Variants in DPH6 observed in about 807,000 individuals in gnomAD.
DPH6 encodes the protein diphthamine biosynthesis 6, also known as diphthine--ammonia ligase.
DPH6 carries 33 observed loss-of-function variants against 38.2 expected under a neutral mutation model. The ratio of observed to expected loss-of-function variants is 0.86; its 90% CI spans 0.65 to 1.15. The LOEUF (loss-of-function observed/expected upper bound fraction) is 1.15, where lower values mean the gene tolerates loss of function less well. Among genes scored for constraint, DPH6 ranks in the 50% most tolerant of loss-of-function variants. The pLI is 0.00. For missense variants in DPH6, 325 were observed against 320.0 expected (o/e 1.02, Z -0.12); for synonymous variants, 108 against 103.0 (o/e 1.05, Z -0.30).
intron 3 of DPH6, chr15:35,520,570 C>G (rs907299800): frequency 7.4e-5 from 73 of 984,592 alleles, no homozygotes; most frequent in Non-Finnish European, 8.7e-5. Flanking sequence ...CTAGCATACA[C>G]AGCATAAAGC....
chr15:35,361,206 C>T (rs2052611490), intron 3 of DPH6, among the ~76,000 whole-genome samples: 1 of 152,126 alleles, frequency 6.6e-6, no homozygotes, highest in Non-Finnish European at 1.5e-5. Context: ...TCAAAGTGGC[C>T]CTCCAAAGTC....
chr15:35,159,790 C>T, the DPH6 span, among the ~76,000 whole-genome samples: 1 of 151,992 alleles, frequency 6.6e-6, no homozygotes, highest in African/African-American at 2.4e-5. Flanking sequence ...TAAGAAAAAA[C>T]ATAGATTCAA....
chr15:35,473,895 C>T (rs75225335), intron 3 of DPH6, among the ~76,000 whole-genome samples: 2,681 of 147,770 alleles, frequency 0.018, 81 homozygotes, highest in African/African-American at 0.061. Context: ...AAAAGGCAAG[C>T]GATAGAACAC....
chr15:35,203,465 G>T, the DPH6 span, among the ~76,000 whole-genome samples: 1 of 151,498 alleles, frequency 6.6e-6, no homozygotes, highest in South Asian at 2.1e-4. Context: ...CACTACAAAT[G>T]AAACATATCA....
chr15:35,407,678 A>C (rs1256363581), intron 6 of DPH6, among the ~76,000 whole-genome samples: 1 of 152,018 alleles, frequency 6.6e-6, no homozygotes, highest in Non-Finnish European at 1.5e-5. Context: ...GGTATTAACC[A>C]GTGATAGACT....
chr15:35,393,436 G>A (rs574638780), intron 6 of DPH6, among the ~76,000 whole-genome samples: 1 of 152,284 alleles, frequency 6.6e-6, no homozygotes, highest in Non-Finnish European at 1.5e-5. Flanking sequence ...ACTTCATAAT[G>A]GAATGAAGAT....
At chr15:35,225,196 A>T (rs2051472358) in intron 3 of DPH6, among the ~76,000 whole-genome samples, 1 of 152,222 alleles carries the variant, frequency 6.6e-6, no homozygotes. Context: ...GGATTAGATC[A>T]GAATTACAGG....
At chr15:35,329,412 T>A (rs760824692), downstream of DPH6, among the ~76,000 whole-genome samples, 12 of 152,142 alleles carry the variant, frequency 7.9e-5, no homozygotes, top group Non-Finnish European at 1.6e-4. Context: ...GGCAACTTAT[T>A]TTAATTTTAA....
chr15:35,269,837 C>A (rs1054203904), intron 3 of DPH6, among the ~76,000 whole-genome samples: 3 of 138,066 alleles, frequency 2.2e-5, no homozygotes, highest in African/African-American at 5.5e-5. Flanking sequence ...GTCACCCAGG[C>A]TGGAGTGCAG....
At chr15:35,148,221 T>C in the DPH6 span, among the ~76,000 whole-genome samples, 1 of 152,226 alleles carries the variant, frequency 6.6e-6, no homozygotes, top group Admixed American at 6.5e-5. Context: ...CTCTTTTAAG[T>C]TAACAGTAAA....
chr15:35,288,233 A>G (rs1358553157), intron 3 of DPH6, among the ~76,000 whole-genome samples: 1 of 152,202 alleles, frequency 6.6e-6, no homozygotes, highest in Non-Finnish European at 1.5e-5. Context: ...CATAATTTCT[A>G]TAAGGGGCTT....
At chr15:35,298,552 AAGTATTTC>A in intron 3 of DPH6, 1 of 783,392 alleles carries the variant, frequency 1.3e-6, no homozygotes, top group African/African-American at 1.7e-5. Flanking sequence ...TAAGACACTT[AAGTATTTC>A]AGTCAGTGGA....
At chr15:35,182,466 A>G in the DPH6 span, among the ~76,000 whole-genome samples, 1 of 152,072 alleles carries the variant, frequency 6.6e-6, no homozygotes, top group South Asian at 2.1e-4. Context: ...TTATTCTGCA[A>G]ATCTAAAGGT....
intron 5 of DPH6, among the ~76,000 whole-genome samples, chr15:35,424,969 CCT>C (rs1320380098): frequency 6.6e-6 from 1 of 151,434 alleles, no homozygotes; most frequent in Admixed American, 6.6e-5. Flanking sequence ...TCCTTCAGAC[CCT>C]GTGTTGTGAG....
chr15:35,298,614 C>A, intron 3 of DPH6: 4 of 882,868 alleles, frequency 4.5e-6, no homozygotes, highest in Non-Finnish European at 7.8e-6. Flanking sequence ...GTGGCGTCAC[C>A]CACGATGATC....
chr15:35,538,419 T>C lies in DPH6; in HGVS notation c.167A>G (p.His56Arg), dbSNP rs1468903880. The C allele has an allele frequency of 1.2e-6, 2 of 1,604,766 alleles. No individual in the cohort carries two copies. The highest frequency in any genetic ancestry group is 4.5e-5 in the East Asian group (2 of 44,748). Residue 56 changes from histidine (H) to arginine (R), a missense_variant, in exon 3 of 9, where the codon CAT becomes CGT. Transcript: ENST00000256538. Reference sequence around the variant, plus strand: ...TGCTTCTGCATACAAGTCAATGGCATGGTGCCCCACTGTCTGATACATGTA... The same window carrying C: ...TGCTTCTGCATACAAGTCAATGGCACGGTGCCCCACTGTCTGATACATGTA... ...DSYMYQTVGH[H>R]AIDLYAEAMA...
chr15:35,174,160 T>A, the DPH6 span, among the ~76,000 whole-genome samples: 1 of 152,212 alleles, frequency 6.6e-6, no homozygotes, highest in African/African-American at 2.4e-5. Context: ...CCAGTAAATA[T>A]TCACTCAGGG....
At chr15:35,237,536 C>G (rs1054828674) in intron 3 of DPH6, 6 of 1,551,030 alleles carry the variant, frequency 3.9e-6, no homozygotes, top group African/African-American at 1.4e-5. Context: ...GAAGCTTGAA[C>G]TAAGCGATAA....
At chr15:35,324,771 A>T (rs2052268774) in intron 3 of DPH6, among the ~76,000 whole-genome samples, 1 of 152,156 alleles carries the variant, frequency 6.6e-6, no homozygotes. Flanking sequence ...AAACAAAAGA[A>T]TTTTACCTTT....
Sources: gnomAD v4.1 joint callset for allele counts (sites outside exome capture counted in the v4.1 genomes callset) on GRCh38, gnomAD v4.1.1 for gene constraint, MANE v1.5 for transcripts, NCBI Gene and HGNC (gene_info 2026-07-23, HGNC 2026-07-21) for gene names.